The following UBE2E1 variants were observed in gnomAD, a reference collection of about 807,000 sequenced individuals.
UBE2E1 encodes the protein ubiquitin-conjugating enzyme E2 E1.
UBE2E1 carries 6 observed loss-of-function variants against 21.4 expected under a neutral mutation model. The observed-to-expected ratio is 0.28, with a 90% CI of 0.15 to 0.55. The LOEUF is 0.55. Ranked by LOEUF, UBE2E1 falls within the 20% of genes least tolerant of loss-of-function variation. The pLI, the probability that UBE2E1 is intolerant of heterozygous loss-of-function variation, is 0.93. For missense variants in UBE2E1, 142 were observed against 236.5 expected (o/e 0.60, Z 2.62); for synonymous variants, 87 against 82.7 (o/e 1.05, Z -0.28).
intron 2 of UBE2E1, 87 bp downstream of exon 2, chr3:23,807,508 T>G (rs770722539): frequency 4.6e-6 from 7 of 1,510,778 alleles, no homozygotes; most frequent in Non-Finnish European, 5.4e-6. Flanking sequence ...GAGGATAGCT[T>G]AAACGCTCCT....
chr3:23,846,394 G>A (rs1700203830), intron 3 of UBE2E1, among the ~76,000 whole-genome samples: 1 of 151,880 alleles, frequency 6.6e-6, no homozygotes, highest in Non-Finnish European at 1.5e-5. Flanking sequence ...CAAGGCCACA[G>A]TCTCTTAAAA....
intron 3 of UBE2E1, among the ~76,000 whole-genome samples, chr3:23,839,870 C>T (rs1700048868): frequency 6.6e-6 from 1 of 152,100 alleles, no homozygotes; most frequent in South Asian, 2.1e-4. Flanking sequence ...CTCTTTATCA[C>T]TGGTTTTACA....
intron 3 of UBE2E1, among the ~76,000 whole-genome samples, chr3:23,841,135 G>C (rs761518978): frequency 6.6e-6 from 1 of 152,032 alleles, no homozygotes; most frequent in African/African-American, 2.4e-5. Flanking sequence ...TTAGAGATGC[G>C]GGTGAACTGT....
intron 2 of UBE2E1, among the ~76,000 whole-genome samples, chr3:23,809,352 AT>A (rs747959712): frequency 3.0e-4 from 45 of 152,174 alleles, no homozygotes; most frequent in Non-Finnish European, 6.0e-4. Flanking sequence ...AAGTATATTG[AT>A]TTGGAAGGTA....
chr3:23,820,399 G>A (rs1022529709), intron 3 of UBE2E1, among the ~76,000 whole-genome samples: 9 of 152,166 alleles, frequency 5.9e-5, no homozygotes, highest in Non-Finnish European at 1.0e-4. Context: ...GGATTGCTTT[G>A]TAGAGTCCAT....
chr3:23,831,268 C>T (rs1451144726), intron 3 of UBE2E1, among the ~76,000 whole-genome samples: 2 of 152,180 alleles, frequency 1.3e-5, no homozygotes, highest in Non-Finnish European at 2.9e-5. Flanking sequence ...TGCTCTCACT[C>T]CAAGTGCGCT....
rs1227187343 is a variant in UBE2E1, at chr3:23,810,073, C to A, written c.153-1387C>A. Among the ~76,000 whole-genome samples, 1 of 152,188 alleles carries A rather than the reference C, an allele frequency of 6.6e-6. No individual in the cohort carries two copies. The highest frequency in any genetic ancestry group is 2.4e-5 in the African/African-American group (1 of 41,444). Reference sequence around the variant, plus strand: ...TGTTCCTCATTACATATAGCTCGTCCGTCCTCCTACCCGCAGAAAACCTTT... The same window carrying A: ...TGTTCCTCATTACATATAGCTCGTCAGTCCTCCTACCCGCAGAAAACCTTT... On this transcript the variant is annotated intron_variant, in intron 2 of 5. Transcript: ENST00000306627. The surrounding 1 kb of genome is among the most constrained non-coding windows in gnomAD (Gnocchi z 5.8).
rs1205171863 is a variant in UBE2E1 at position 23,823,950 on chromosome 3, T to C, written c.203+12440T>C. Among the ~76,000 whole-genome samples, 1 of 152,232 alleles carries C rather than the reference T, an allele frequency of 6.6e-6. No individual in the cohort carries two copies. Among genetic ancestry groups the C allele is most frequent in the Non-Finnish European group, 1.5e-5 (1 of 68,044 alleles). On this transcript the variant is annotated intron_variant, in intron 3 of 5. Transcript: ENST00000306627. This position sits in a 1 kb window ranked among gnomAD's most constrained non-coding sequence, Gnocchi z 4.2. The stretch of plus-strand genomic sequence containing the variant: ...GAAAAGACATTTATTTTTTGTAGCT[T>C]GGTATTCTGAGATGTTCTCACATCC...
intron 3 of UBE2E1, among the ~76,000 whole-genome samples, chr3:23,883,904 C>CAAA (rs35520751): frequency 0.034 from 2,923 of 87,086 alleles, 127 homozygotes; most frequent in African/African-American, 0.094. Context: ...TGACAGATCT[C>CAAA]AAAAAAAAAA....
chr3:23,855,850 T>TA (rs971505409), intron 3 of UBE2E1, among the ~76,000 whole-genome samples: 2 of 151,388 alleles, frequency 1.3e-5, no homozygotes, highest in Admixed American at 1.3e-4. Flanking sequence ...AAATAAAAAA[T>TA]AAAAAAAAGA....
At position 23,870,504 on chromosome 3, in the gene UBE2E1, G is replaced by C. The variant is rs1700760698; in HGVS notation, c.204-17063G>C. Among the ~76,000 whole-genome samples the C allele has an allele frequency of 1.3e-5, 2 of 152,132 alleles. No individual in the cohort carries two copies. The highest frequency in any genetic ancestry group is 2.1e-4 in the South Asian group (1 of 4,822). On this transcript the variant is annotated intron_variant, in intron 3 of 5. Coordinates refer to ENST00000306627, the MANE Select transcript of UBE2E1 (RefSeq NM_003341.5). This position sits in a 1 kb window ranked among gnomAD's most constrained non-coding sequence, Gnocchi z 4.2. ...CTTTAAGCACAGAGGCGCAGATAGGGGTAGCTAGAACTTGGCCACAGCACA... is the reference window on the plus strand; with the variant it reads ...CTTTAAGCACAGAGGCGCAGATAGGCGTAGCTAGAACTTGGCCACAGCACA...
intron 3 of UBE2E1, among the ~76,000 whole-genome samples, chr3:23,824,321 G>A (rs1316479391): frequency 6.6e-6 from 1 of 152,140 alleles, no homozygotes; most frequent in Non-Finnish European, 1.5e-5. Flanking sequence ...ATTGTGAGGT[G>A]TATATTGATA....
At chr3:23,833,399 G>A (rs1193863356) in intron 3 of UBE2E1, among the ~76,000 whole-genome samples, 1 of 152,126 alleles carries the variant, frequency 6.6e-6, no homozygotes, top group Non-Finnish European at 1.5e-5. Flanking sequence ...CCTTTGGAAG[G>A]TGCTACATTA....
At chr3:23,814,496 A>G (rs138130456) in intron 3 of UBE2E1, among the ~76,000 whole-genome samples, 69 of 152,096 alleles carry the variant, frequency 4.5e-4, no homozygotes, top group African/African-American at 1.6e-3. Context: ...GTGTGTGTGT[A>G]TATATATGCA....
At chr3:23,834,048 T>C (rs1199943874) in intron 3 of UBE2E1, among the ~76,000 whole-genome samples, 1 of 152,116 alleles carries the variant, frequency 6.6e-6, no homozygotes, top group Non-Finnish European at 1.5e-5. Context: ...AAAAAAGCCT[T>C]ATGGTAAAAA....
chr3:23,861,906 C>G (rs758931814), intron 3 of UBE2E1, among the ~76,000 whole-genome samples: 2 of 152,252 alleles, frequency 1.3e-5, no homozygotes, highest in African/African-American at 4.8e-5. Context: ...ATGCCAAAGC[C>G]AGGATACAGA....
intron 3 of UBE2E1, among the ~76,000 whole-genome samples, chr3:23,844,366 T>G (rs1202824290): frequency 8.5e-5 from 13 of 152,240 alleles, no homozygotes; most frequent in Admixed American, 4.6e-4. Context: ...TACATTTTTC[T>G]AAGCACAATG....
rs555188010 is a variant in UBE2E1 at position 23,882,682 on chromosome 3, C to T, written c.204-4885C>T. Among the ~76,000 whole-genome samples, 175 of 152,334 alleles carry T rather than the reference C, an allele frequency of 1.1e-3. 1 individual carries two copies. The highest frequency in any genetic ancestry group is 0.01 in the South Asian group (50 of 4,824). On this transcript the variant is annotated intron_variant, in intron 3 of 5. Coordinates refer to ENST00000306627, the MANE Select transcript of UBE2E1 (RefSeq NM_003341.5). ...GCTGCACGTCTCAAGCCCTGCCCCA[C>T]GGGGAGGCAGCTGAGGCCTGGCGAG... is the stretch of plus-strand genomic sequence containing the variant.
intron 3 of UBE2E1, among the ~76,000 whole-genome samples, chr3:23,857,214 G>C (rs777270363): frequency 6.6e-6 from 1 of 151,542 alleles, no homozygotes; most frequent in Non-Finnish European, 1.5e-5. Flanking sequence ...TGGAGGGGTA[G>C]AGGTGTTCAG....
Sources: gnomAD v4.1 joint callset for allele counts (sites outside exome capture counted in the v4.1 genomes callset) on GRCh38, gnomAD v4.1.1 for gene constraint, Gnocchi (gnomAD v3.1) non-coding constraint, MANE v1.5 for transcripts, NCBI Gene and HGNC (gene_info 2026-07-23, HGNC 2026-07-21) for gene names.